The following RBFOX1 variants were observed in gnomAD, a reference collection of about 807,000 sequenced individuals.
The protein encoded by RBFOX1 is RNA binding fox-1 homolog 1.
Under a neutral mutation model 57.7 loss-of-function variants are expected in RBFOX1, and 8 were observed. The ratio of observed to expected loss-of-function variants is 0.14; its 90% confidence interval spans 0.08 to 0.25. The LOEUF is 0.25. Ranked by LOEUF, RBFOX1 falls within the 10% of genes least tolerant of loss-of-function variation. The pLI, the probability that RBFOX1 is intolerant of heterozygous loss-of-function variation, is 1.00. For missense variants in RBFOX1, 611 were observed against 548.5 expected, an observed-to-expected ratio of 1.11 and a Z score of -1.14; for synonymous variants, 326 against 222.4, an observed-to-expected ratio of 1.47 and a Z score of -4.15.
intron 3 of RBFOX1, among the ~76,000 whole-genome samples, chr16:7,018,080 T>C (rs575862997): frequency 1.1e-4 from 16 of 152,104 alleles, no homozygotes; most frequent in Non-Finnish European, 1.6e-4. Context: ...AACCTGCATG[T>C]ACACCCAGCT....
intron 1 of RBFOX1, among the ~76,000 whole-genome samples, chr16:6,191,654 A>C (rs1045637092): frequency 2.0e-5 from 3 of 152,142 alleles, no homozygotes; most frequent in African/African-American, 7.2e-5. Context: ...TTTTTGTTGC[A>C]TGGTCCAAAA....
At chr16:6,280,226 G>T (rs560247297) in intron 1 of RBFOX1, among the ~76,000 whole-genome samples, 1 of 152,146 alleles carries the variant, frequency 6.6e-6, no homozygotes, top group Non-Finnish European at 1.5e-5. Context: ...CTGTTGGTCC[G>T]TGGCCTGAGT....
chr16:6,174,797 G>C (rs2096990961), intron 1 of RBFOX1, among the ~76,000 whole-genome samples: 1 of 152,128 alleles, frequency 6.6e-6, no homozygotes, highest in African/African-American at 2.4e-5. Flanking sequence ...TGCATCCTGT[G>C]GCTAAAAGTT....
chr16:7,571,208 A>C (rs1353848367), intron 5 of RBFOX1, among the ~76,000 whole-genome samples: 1 of 124,466 alleles, frequency 8.0e-6, no homozygotes, highest in African/African-American at 2.7e-5. Flanking sequence ...CCAGAACTTA[A>C]GGAAGAAAAA....
At chr16:6,586,685 G>A (rs1000380060) in intron 2 of RBFOX1, among the ~76,000 whole-genome samples, 3 of 152,078 alleles carry the variant, frequency 2.0e-5, no homozygotes, top group African/African-American at 7.2e-5. Flanking sequence ...CTTCCAGCAG[G>A]GATACGCTTA....
At chr16:6,776,984 A>T (rs551001875) in intron 3 of RBFOX1, among the ~76,000 whole-genome samples, 1 of 152,272 alleles carries the variant, frequency 6.6e-6, no homozygotes, top group Non-Finnish European at 1.5e-5. Flanking sequence ...CGTGATTTTG[A>T]TGCAGTTGTA....
intron 3 of RBFOX1, among the ~76,000 whole-genome samples, chr16:5,810,324 A>C (rs2055375867): frequency 6.6e-6 from 1 of 152,074 alleles, no homozygotes; most frequent in Non-Finnish European, 1.5e-5. Context: ...TTAAAGTATA[A>C]TAATAATTAA....
chr16:7,001,507 A>G (rs1318157313), intron 3 of RBFOX1, among the ~76,000 whole-genome samples: 1 of 152,066 alleles, frequency 6.6e-6, no homozygotes, highest in Non-Finnish European at 1.5e-5. Flanking sequence ...CCGAGGATGG[A>G]GTACAGTTGC....
At chr16:6,254,693 T>G (rs1567784095) in intron 1 of RBFOX1, among the ~76,000 whole-genome samples, 1 of 152,228 alleles carries the variant, frequency 6.6e-6, no homozygotes, top group Non-Finnish European at 1.5e-5. Flanking sequence ...ATGTTAAAAC[T>G]GAACATTTTT....
intron 3 of RBFOX1, among the ~76,000 whole-genome samples, chr16:5,725,751 G>A (rs1413315683): frequency 1.3e-5 from 2 of 151,866 alleles, no homozygotes; most frequent in Admixed American, 6.6e-5. Context: ...CTGCCTCCAC[G>A]GAGCTTATGC....
intron 3 of RBFOX1, among the ~76,000 whole-genome samples, chr16:6,902,480 G>C (rs2068731740): frequency 6.6e-6 from 1 of 152,188 alleles, no homozygotes; most frequent in Non-Finnish European, 1.5e-5. Flanking sequence ...CTAGCACTTT[G>C]AGAGGCAGGG....
intron 1 of RBFOX1, among the ~76,000 whole-genome samples, chr16:6,078,739 G>A (rs1296068881): frequency 6.6e-6 from 1 of 152,188 alleles, no homozygotes; most frequent in Non-Finnish European, 1.5e-5. Flanking sequence ...TATCAATGTT[G>A]TTATTTGATG....
At chr16:5,818,043 T>C (rs146163532) in intron 3 of RBFOX1, among the ~76,000 whole-genome samples, 1 of 152,026 alleles carries the variant, frequency 6.6e-6, no homozygotes, top group Non-Finnish European at 1.5e-5. Flanking sequence ...AGCAGTAGGG[T>C]CTTTGAACAG....
At chr16:7,119,355 G>A (rs900993951) in intron 4 of RBFOX1, among the ~76,000 whole-genome samples, 1 of 152,086 alleles carries the variant, frequency 6.6e-6, no homozygotes, top group East Asian at 1.9e-4. Context: ...CACCTACTCT[G>A]TGGTGGCCAT....
At chr16:7,198,187 A>G (rs1378785730) in intron 4 of RBFOX1, among the ~76,000 whole-genome samples, 1 of 151,528 alleles carries the variant, frequency 6.6e-6, no homozygotes, top group African/African-American at 2.4e-5. Context: ...TTGTATTTTT[A>G]GTAGAGACGG....
At chr16:5,853,780 G>A (rs926099008) in intron 3 of RBFOX1, among the ~76,000 whole-genome samples, 5 of 152,118 alleles carry the variant, frequency 3.3e-5, no homozygotes, top group Admixed American at 1.3e-4. Context: ...CTTTGAGACA[G>A]GGTCTCCCTC....
intron 2 of RBFOX1, among the ~76,000 whole-genome samples, chr16:6,595,072 C>T (rs1466339017): frequency 6.6e-6 from 1 of 152,160 alleles, no homozygotes; most frequent in African/African-American, 2.4e-5. Flanking sequence ...CAGGCATGAG[C>T]CACCGCACCT....
In RBFOX1 at chr16:6,837,516, C is replaced by T. The variant is rs75238867; in HGVS notation, c.-16+182866C>T. 3.8e-4 allele frequency among the ~76,000 whole-genome samples: 58 copies of T among 152,160 alleles called. No homozygotes were observed. In the East Asian group the frequency reaches 7.2e-3, roughly 19 times the overall value. On this transcript the variant is annotated intron_variant, in intron 3 of 15. Coordinates refer to ENST00000550418, the MANE Select transcript of RBFOX1 (RefSeq NM_018723.4). ...AACATAACCATGTCCTATGCAGTAC[C>T]GGGTAATTGGGAAGACTATAATAAA...
chr16:6,002,001 C>G (rs143976183), intron 4 of RBFOX1, among the ~76,000 whole-genome samples: 2,034 of 142,848 alleles, frequency 0.014, 55 homozygotes, highest in African/African-American at 0.051. Context: ...GGGTCTTGCT[C>G]TGTCACTCAG....
Sources: gnomAD v4.1 joint callset for allele counts (sites outside exome capture counted in the v4.1 genomes callset) on GRCh38, gnomAD v4.1.1 for gene constraint, MANE v1.5 for transcripts, NCBI Gene and HGNC (gene_info 2026-07-23, HGNC 2026-07-21) for gene names.